Variants in KCNH7 observed in about 807,000 individuals in gnomAD.
KCNH7 encodes the protein voltage-gated inwardly rectifying potassium channel KCNH7.
In KCNH7, 49 loss-of-function variants were observed where a neutral mutation model predicts 120.8. That is an observed-to-expected ratio of 0.41 (90% CI 0.32 to 0.51). KCNH7 has a LOEUF of 0.51. Among genes scored for constraint, KCNH7 ranks in the 20% least tolerant of loss-of-function variants. The probability of loss-of-function intolerance (pLI) is 0.38; values close to 1 mark genes in which losing one functional copy is unlikely to be tolerated. For missense variants in KCNH7, 1,097 were observed against 1,446.6 expected, an observed-to-expected ratio of 0.76 and a Z score of 3.92; for synonymous variants, 547 against 516.1, an observed-to-expected ratio of 1.06 and a Z score of -0.81.
chr2:162,551,794 C>T (rs898467764), intron 2 of KCNH7, among the ~76,000 whole-genome samples: 1 of 151,994 alleles, frequency 6.6e-6, no homozygotes, highest in Non-Finnish European at 1.5e-5. Context: ...TTTTAATGAT[C>T]CATGTGTGGG....
intron 6 of KCNH7, among the ~76,000 whole-genome samples, chr2:162,503,603 T>C (rs1690763640): frequency 6.6e-6 from 1 of 152,006 alleles, no homozygotes; most frequent in South Asian, 2.1e-4. Flanking sequence ...TTTGTAGTGA[T>C]TACAATTACA....
intron 9 of KCNH7, among the ~76,000 whole-genome samples, chr2:162,420,627 G>T (rs1251426595): frequency 6.6e-6 from 1 of 152,082 alleles, no homozygotes; most frequent in Admixed American, 6.6e-5. Flanking sequence ...CTTATTTTTT[G>T]TGGTCTATCA....
intron 3 of KCNH7, among the ~76,000 whole-genome samples, chr2:162,522,423 A>C (rs1040764648): frequency 6.6e-6 from 1 of 151,894 alleles, no homozygotes; most frequent in East Asian, 2.0e-4. Flanking sequence ...TTTCTGCATC[A>C]CTAGGTTAAT....
chr2:162,440,085 A>T (rs1688373877), intron 7 of KCNH7, among the ~76,000 whole-genome samples: 1 of 151,706 alleles, frequency 6.6e-6, no homozygotes, highest in African/African-American at 2.4e-5. Flanking sequence ...AATAAGAAAA[A>T]ATATTTTGTT....
At chr2:162,815,660 T>C (rs1213694412) in intron 2 of KCNH7, among the ~76,000 whole-genome samples, 1 of 152,176 alleles carries the variant, frequency 6.6e-6, no homozygotes. Context: ...GTCAATAAAA[T>C]GTTAATTGTG....
intron 2 of KCNH7, among the ~76,000 whole-genome samples, chr2:162,557,543 T>C (rs976134622): frequency 6.6e-6 from 1 of 152,168 alleles, no homozygotes. Context: ...GTTGCAGCTG[T>C]CTTTGGAAAA....
intron 2 of KCNH7, among the ~76,000 whole-genome samples, chr2:162,677,590 G>C (rs143066685): frequency 1.3e-3 from 201 of 151,518 alleles, no homozygotes; most frequent in Non-Finnish European, 2.3e-3. Flanking sequence ...CTCTAGATGA[G>C]CATATGTAGT....
chr2:162,806,539 A>G (rs1259331379), intron 2 of KCNH7, among the ~76,000 whole-genome samples: 2 of 152,212 alleles, frequency 1.3e-5, no homozygotes, highest in African/African-American at 4.8e-5. Context: ...CTGTCATTAC[A>G]GTTAAAAAAA....
chr2:162,603,030 C>G (rs1694610411), intron 2 of KCNH7, among the ~76,000 whole-genome samples: 1 of 150,888 alleles, frequency 6.6e-6, no homozygotes, highest in African/African-American at 2.4e-5. Flanking sequence ...CAGGGTTGGA[C>G]TAGTCCAGCA....
At chr2:162,796,721 G>C (rs1684160087) in intron 2 of KCNH7, 1 of 152,040 alleles carries the variant, frequency 6.6e-6, no homozygotes, top group Non-Finnish European at 1.5e-5. Context: ...ATATGAACAA[G>C]TAATCACAAC....
chr2:162,709,687 T>C (rs1305549888), intron 2 of KCNH7, among the ~76,000 whole-genome samples: 2 of 152,160 alleles, frequency 1.3e-5, no homozygotes, highest in African/African-American at 4.8e-5. Context: ...AGGCAAACTC[T>C]ATCTTTAAGC....
chr2:162,418,110 A>G (rs1408481293), intron 9 of KCNH7, among the ~76,000 whole-genome samples: 2 of 152,140 alleles, frequency 1.3e-5, no homozygotes, highest in African/African-American at 2.4e-5. Flanking sequence ...CTATCAACTA[A>G]TCTACATGCA....
At chr2:162,403,844 T>C (rs1038492300) in intron 9 of KCNH7, among the ~76,000 whole-genome samples, 37 of 152,114 alleles carry the variant, frequency 2.4e-4, no homozygotes, top group African/African-American at 8.7e-4. Context: ...ATCTGGGTTC[T>C]GTCTAAGTAA....
intron 2 of KCNH7, among the ~76,000 whole-genome samples, chr2:162,762,301 A>G (rs1338095691): frequency 6.6e-6 from 1 of 151,798 alleles, no homozygotes; most frequent in Admixed American, 6.6e-5. Flanking sequence ...GTGTGTATAT[A>G]TATATACATA....
chr2:162,642,678 C>A (rs922136589), intron 2 of KCNH7, among the ~76,000 whole-genome samples: 2 of 152,156 alleles, frequency 1.3e-5, no homozygotes, highest in Admixed American at 6.6e-5. Flanking sequence ...CAAGAGAACA[C>A]CTGGCAGCAG....
chr2:162,643,804 C>CAAAAAAAAAAAAAAAAAAAAAAAAG (rs1684252901), intron 2 of KCNH7, among the ~76,000 whole-genome samples: 1 of 90,436 alleles, frequency 1.1e-5, no homozygotes, highest in African/African-American at 4.7e-5. Context: ...GACTCTATCT[C>CAAAAAAAAAAAAAAAAAAAAAAAAG]AAAAAAAAAA....
intron 6 of KCNH7, among the ~76,000 whole-genome samples, chr2:162,448,633 C>T (rs1203654444): frequency 1.3e-5 from 2 of 152,072 alleles, no homozygotes; most frequent in Non-Finnish European, 2.9e-5. Context: ...TACTAACCTC[C>T]CACATGGGGC....
intron 10 of KCNH7, among the ~76,000 whole-genome samples, chr2:162,399,493 G>T (rs977427301): frequency 1.3e-5 from 2 of 151,620 alleles, no homozygotes; most frequent in Non-Finnish European, 2.9e-5. Context: ...TTTACATTAG[G>T]TATATCTCCT....
At chr2:162,505,438 T>A (rs16846777) in intron 5 of KCNH7, among the ~76,000 whole-genome samples, 5,661 of 151,774 alleles carry the variant, frequency 0.037, 410 homozygotes, top group Admixed American at 0.18. Flanking sequence ...CACAGCTAGG[T>A]AATAGGGCAT....
Sources: allele counts gnomAD v4.1 joint callset (sites outside exome capture counted in the v4.1 genomes callset), GRCh38; gene constraint gnomAD v4.1.1; transcripts MANE v1.5; gene names NCBI Gene and HGNC (gene_info 2026-07-23, HGNC 2026-07-21).